SHANK2: variants seen among roughly 807,000 people sequenced by gnomAD.
SHANK2 encodes SH3 and multiple ankyrin repeat domains protein 2.
SHANK2 carries 43 observed loss-of-function variants against 133.7 expected under a neutral mutation model. The observed-to-expected ratio is 0.32, with a 90% CI of 0.25 to 0.41. The LOEUF (loss-of-function observed/expected upper bound fraction) is 0.41, where lower values mean the gene tolerates loss of function less well. SHANK2 is among the 10% of genes least tolerant of loss of function. The pLI is 1.00. For synonymous variants in SHANK2, 1,017 were observed against 952.8 expected (o/e 1.07, Z -1.24); for missense variants, 1,994 against 2,235.8 (o/e 0.89, Z 2.18).
At chr11:71,102,213 A>G (rs1300916988) in intron 6 of SHANK2, among the ~76,000 whole-genome samples, 1 of 151,518 alleles carries the variant, frequency 6.6e-6, no homozygotes, top group Non-Finnish European at 1.5e-5. Flanking sequence ...AGAGTTTCCA[A>G]CCAAAGCAGG....
intron 14 of SHANK2, among the ~76,000 whole-genome samples, chr11:70,726,122 C>A (rs1946177074): frequency 1.3e-5 from 2 of 152,196 alleles, no homozygotes; most frequent in African/African-American, 4.8e-5. Context: ...GACTTTTACA[C>A]CTACTTCCCC....
chr11:71,144,421 C>T lies in SHANK2; in HGVS notation c.207+2699G>A, dbSNP rs546039212. ...TCTTCTGGGCAGATACAGAGGACCC[C>T]GTGGAGGATTCCAGAGCTCCAGGGA... is the stretch of plus-strand genomic sequence containing the variant. On this transcript the variant is annotated intron_variant, in intron 3 of 25. Coordinates refer to ENST00000601538, the MANE Select transcript of SHANK2 (RefSeq NM_012309.5). Among the ~76,000 whole-genome samples, 19 of 152,238 alleles carry T rather than the reference C, an allele frequency of 1.2e-4. No individual in the cohort carries two copies. In the East Asian group the frequency reaches 2.3e-3, roughly 19 times the overall value.
intron 17 of SHANK2, among the ~76,000 whole-genome samples, chr11:70,539,647 T>C (rs1158601960): frequency 6.8e-6 from 1 of 146,522 alleles, no homozygotes; most frequent in Non-Finnish European, 1.5e-5. Context: ...AGCTTCTCCC[T>C]GCCCAGACTC....
chr11:70,718,919 G>A (rs1050398590), intron 14 of SHANK2, among the ~76,000 whole-genome samples: 9 of 152,154 alleles, frequency 5.9e-5, no homozygotes, highest in Non-Finnish European at 1.2e-4. Flanking sequence ...CTATGAGCTT[G>A]GGCTTGTTTC....
intron 17 of SHANK2, among the ~76,000 whole-genome samples, chr11:70,536,210 C>T (rs948773949): frequency 3.3e-5 from 5 of 152,218 alleles, no homozygotes; most frequent in Non-Finnish European, 5.9e-5. Flanking sequence ...CTGAGCCTGC[C>T]CTGTGTGGTC....
chr11:71,248,343 C>A (rs995747463), intron 1 of SHANK2, among the ~76,000 whole-genome samples: 8 of 152,240 alleles, frequency 5.3e-5, no homozygotes, highest in African/African-American at 1.7e-4. Flanking sequence ...CTGACCGCAG[C>A]GCGATTTCAC....
chr11:70,712,929 T>C (rs954646634), intron 14 of SHANK2, among the ~76,000 whole-genome samples: 1 of 152,206 alleles, frequency 6.6e-6, no homozygotes, highest in Non-Finnish European at 1.5e-5. Flanking sequence ...GTTCCTCCCA[T>C]GTGCGCACAT....
intron 3 of SHANK2, among the ~76,000 whole-genome samples, chr11:71,127,144 G>T (rs1485054747): frequency 1.3e-5 from 2 of 152,210 alleles, no homozygotes; most frequent in Admixed American, 1.3e-4. Context: ...AATAGCAAGA[G>T]AACTGGAATT....
chr11:70,617,750 G>A (rs1441438381), intron 17 of SHANK2, among the ~76,000 whole-genome samples: 1 of 152,018 alleles, frequency 6.6e-6, no homozygotes, highest in Admixed American at 6.6e-5. Context: ...CTGAATAAAC[G>A]TCTACCATGC....
intron 14 of SHANK2, among the ~76,000 whole-genome samples, chr11:70,792,402 A>G (rs1023343552): frequency 2.9e-5 from 4 of 139,820 alleles, no homozygotes; most frequent in African/African-American, 8.7e-5. Context: ...CAGCCAACCA[A>G]CCAACCAACC....
At chr11:70,851,984 T>C (rs188549662) in intron 11 of SHANK2, among the ~76,000 whole-genome samples, 1,565 of 152,326 alleles carry the variant, frequency 0.01, 13 homozygotes, top group Non-Finnish European at 0.016. Flanking sequence ...AGGCAGTCTG[T>C]TCCCATTCCC....
chr11:70,631,584 C>T (rs1176107454), intron 17 of SHANK2, among the ~76,000 whole-genome samples: 2 of 152,222 alleles, frequency 1.3e-5, no homozygotes, highest in African/African-American at 4.8e-5. Context: ...GAGCTCAGGG[C>T]CTCCAAGGCA....
intron 2 of SHANK2, among the ~76,000 whole-genome samples, chr11:71,164,813 G>A (rs1307366596): frequency 6.6e-6 from 1 of 152,130 alleles, no homozygotes; most frequent in Non-Finnish European, 1.5e-5. Flanking sequence ...TCTGTTGGGG[G>A]CCTAGGAGAG....
chr11:71,186,084 C>A (rs545115288), intron 2 of SHANK2, among the ~76,000 whole-genome samples: 7 of 152,222 alleles, frequency 4.6e-5, no homozygotes, highest in Admixed American at 3.9e-4. Flanking sequence ...TACACTGGTA[C>A]AGTGACGCCC....
intron 17 of SHANK2, among the ~76,000 whole-genome samples, chr11:70,642,231 C>T (rs533971822): frequency 6.6e-6 from 1 of 152,052 alleles, no homozygotes; most frequent in East Asian, 1.9e-4. Context: ...TCCTGCCTAG[C>T]TACTGGCAAT....
intron 14 of SHANK2, among the ~76,000 whole-genome samples, chr11:70,787,322 A>G (rs1418050814): frequency 6.8e-6 from 1 of 148,116 alleles, no homozygotes; most frequent in Non-Finnish European, 1.5e-5. Flanking sequence ...CATCATCACC[A>G]TGACCACCAT....
chr11:71,139,288 C>T (rs782217802), intron 3 of SHANK2, among the ~76,000 whole-genome samples: 27 of 149,312 alleles, frequency 1.8e-4, no homozygotes, highest in African/African-American at 6.2e-4. Flanking sequence ...CGACAAAGGC[C>T]GCCACAGCCC....
intron 2 of SHANK2, among the ~76,000 whole-genome samples, chr11:71,183,880 T>C (rs1027320575): frequency 6.6e-6 from 1 of 152,196 alleles, no homozygotes; most frequent in African/African-American, 2.4e-5. Context: ...GGGAAGCTAA[T>C]GTAACCTTGT....
At chr11:70,733,153 A>C (rs1358890139) in intron 14 of SHANK2, among the ~76,000 whole-genome samples, 1 of 152,006 alleles carries the variant, frequency 6.6e-6, no homozygotes, top group Non-Finnish European at 1.5e-5. Context: ...GTGCCGGGAG[A>C]GGACTTTGCT....
Sources: allele counts gnomAD v4.1 joint callset (sites outside exome capture counted in the v4.1 genomes callset), GRCh38; gene constraint gnomAD v4.1.1; transcripts MANE v1.5; gene names NCBI Gene and HGNC (gene_info 2026-07-23, HGNC 2026-07-21).